Variants in ZMYM2 observed in about 807,000 individuals in gnomAD.
The protein encoded by ZMYM2 is zinc finger MYM-type containing 2.
In ZMYM2, 56 loss-of-function variants were observed where a neutral mutation model predicts 162.8. That is an observed-to-expected ratio of 0.34 (90% CI 0.28 to 0.43). The LOEUF is 0.43. ZMYM2 is among the 20% of genes least tolerant of loss of function. ZMYM2 has a pLI of 1.00. For missense variants in ZMYM2, 1,275 were observed against 1,621.8 expected (o/e 0.79, Z 3.67); for synonymous variants, 510 against 541.6 (o/e 0.94, Z 0.81).
At chr13:20,052,046 C>G (rs1955405949) in intron 13 of ZMYM2, among the ~76,000 whole-genome samples, 1 of 151,570 alleles carries the variant, frequency 6.6e-6, no homozygotes, top group South Asian at 2.1e-4. Context: ...ATAGTATTTC[C>G]CCGAAAGCAG....
chr13:20,057,037 A>G (rs1324274041), intron 14 of ZMYM2, among the ~76,000 whole-genome samples: 1 of 152,170 alleles, frequency 6.6e-6, no homozygotes, highest in Non-Finnish European at 1.5e-5. Flanking sequence ...GTCAGACCAC[A>G]CAGCGCAGTA....
At chr13:20,023,580 T>C (rs748877644) in intron 7 of ZMYM2, among the ~76,000 whole-genome samples, 1 of 152,222 alleles carries the variant, frequency 6.6e-6, no homozygotes. Flanking sequence ...TTTTACCTTA[T>C]CCATATCTTG....
chr13:20,042,434 G>T (rs1351999755), intron 12 of ZMYM2, among the ~76,000 whole-genome samples: 1 of 152,024 alleles, frequency 6.6e-6, no homozygotes, highest in Non-Finnish European at 1.5e-5. Flanking sequence ...TCTATACTGG[G>T]TATTTTGTCT....
At chr13:20,083,823 G>A (rs759324034) in intron 24 of ZMYM2, 47 bp downstream of exon 24, 30 of 1,567,036 alleles carry the variant, frequency 1.9e-5, no homozygotes, top group Non-Finnish European at 2.5e-5. Context: ...GTAGAAGTTG[G>A]CTGGTTTAAA....
At chr13:19,926,825 G>T in the ZMYM2 span, among the ~76,000 whole-genome samples, 1 of 152,018 alleles carries the variant, frequency 6.6e-6, no homozygotes, top group African/African-American at 2.4e-5. Flanking sequence ...ACATCACTAC[G>T]CCTGGCTAAT....
At chr13:20,029,783 T>C (rs988702197) in intron 9 of ZMYM2, among the ~76,000 whole-genome samples, 1 of 152,090 alleles carries the variant, frequency 6.6e-6, no homozygotes, top group Non-Finnish European at 1.5e-5. Context: ...TATGCTTATA[T>C]TGTGTCTTAT....
At chr13:19,959,035 G>T (rs149274619) in intron 1 of ZMYM2, among the ~76,000 whole-genome samples, 194 bp downstream of exon 1, 1 of 151,862 alleles carries the variant, frequency 6.6e-6, no homozygotes, top group South Asian at 2.1e-4. Context: ...CCGCTGCCGC[G>T]TCGGGGCCTC....
chr13:19,910,505 T>C, the ZMYM2 span, among the ~76,000 whole-genome samples: 1 of 151,506 alleles, frequency 6.6e-6, no homozygotes, highest in African/African-American at 2.4e-5. Context: ...GGGAGGGCCC[T>C]GTGGACACAC....
At chr13:20,078,762 T>G (rs1442251771) in intron 21 of ZMYM2, among the ~76,000 whole-genome samples, 1 of 152,166 alleles carries the variant, frequency 6.6e-6, no homozygotes, top group Admixed American at 6.5e-5. Context: ...AAATGTTAAA[T>G]ATTTTTATAT....
chr13:20,049,111 G>A (rs1171818046), intron 12 of ZMYM2, among the ~76,000 whole-genome samples: 2 of 151,758 alleles, frequency 1.3e-5, no homozygotes, highest in Non-Finnish European at 2.9e-5. Flanking sequence ...AGAAACAAAA[G>A]TTCACAACCT....
At chr13:20,043,173 AC>A (rs1954429459) in intron 12 of ZMYM2, among the ~76,000 whole-genome samples, 1 of 152,158 alleles carries the variant, frequency 6.6e-6, no homozygotes, top group Non-Finnish European at 1.5e-5. Flanking sequence ...ACTCCGGGGT[AC>A]TTATATCAGT....
chr13:19,975,599 T>C (rs1271932785), intron 2 of ZMYM2, among the ~76,000 whole-genome samples: 1 of 152,252 alleles, frequency 6.6e-6, no homozygotes, highest in East Asian at 1.9e-4. Flanking sequence ...TTTTCACCTT[T>C]TGGCCGTTGT....
chr13:19,982,328 C>G (rs1307520981), intron 2 of ZMYM2, among the ~76,000 whole-genome samples: 1 of 120,956 alleles, frequency 8.3e-6, no homozygotes, highest in Non-Finnish European at 1.6e-5. Context: ...CGCTCTGTCA[C>G]TTAGACTGGA....
intron 20 of ZMYM2, 71 bp from the exon 21 acceptor site, chr13:20,067,168 C>G: frequency 7.1e-7 from 1 of 1,414,360 alleles, no homozygotes; most frequent in Admixed American, 2.5e-5. Context: ...CAAAGAATAA[C>G]GTCAGAAAGT....
intron 2 of ZMYM2, among the ~76,000 whole-genome samples, chr13:19,991,271 G>A (rs1489605524): frequency 6.6e-6 from 1 of 151,958 alleles, no homozygotes; most frequent in Non-Finnish European, 1.5e-5. Context: ...GCGCCACCAT[G>A]ACTGGCTGAC....
intron 19 of ZMYM2, 136 bp from the exon 20 acceptor site, chr13:20,066,715 A>G (rs1424722192): frequency 9.2e-6 from 7 of 757,950 alleles, no homozygotes; most frequent in Non-Finnish European, 1.3e-5. Flanking sequence ...TACGTGTCCA[A>G]GTGGACCCCT....
chr13:19,959,066 C>G (rs952296295), intron 1 of ZMYM2, among the ~76,000 whole-genome samples: 10 of 151,714 alleles, frequency 6.6e-5, no homozygotes, highest in African/African-American at 2.4e-4. Flanking sequence ...CGGGGCTGCG[C>G]TCATGTCACA....
the ZMYM2 span, among the ~76,000 whole-genome samples, chr13:19,949,378 C>T: frequency 2.0e-5 from 3 of 152,142 alleles, no homozygotes; most frequent in African/African-American, 2.4e-5. Flanking sequence ...CACGCCACTG[C>T]ACTTCAGCTT....
chr13:19,935,417 G>A, the ZMYM2 span, among the ~76,000 whole-genome samples: 10 of 150,498 alleles, frequency 6.6e-5, no homozygotes, highest in South Asian at 1.0e-3. Flanking sequence ...GATTACAGGC[G>A]TGAGCCACCA....
Sources: allele counts gnomAD v4.1 joint callset (sites outside exome capture counted in the v4.1 genomes callset), GRCh38; gene constraint gnomAD v4.1.1; transcripts MANE v1.5; gene names NCBI Gene and HGNC (gene_info 2026-07-23, HGNC 2026-07-21).